Variants in TBC1D15 observed in about 807,000 individuals in gnomAD.
TBC1D15 encodes GAP for RAB7.
Under a neutral mutation model 95.4 loss-of-function variants are expected in TBC1D15, and 39 were observed. The observed-to-expected ratio is 0.41, with a 90% CI of 0.32 to 0.53. TBC1D15 has a LOEUF of 0.53. Among genes scored for constraint, TBC1D15 ranks in the 20% least tolerant of loss-of-function variants. TBC1D15 has a pLI of 0.29. For missense variants in TBC1D15, 733 were observed against 794.3 expected (o/e 0.92, Z 0.93); for synonymous variants, 258 against 261.3 (o/e 0.99, Z 0.12).
rs1222081850 is a variant in TBC1D15 at position 71,864,360 on chromosome 12, AC to A, written c.31-7707del. Among the ~76,000 whole-genome samples the A allele has an allele frequency of 6.6e-5, 10 of 151,764 alleles. No homozygotes were observed. In the South Asian group the frequency reaches 2.1e-3, roughly 32 times the overall value. On this transcript the variant is annotated intron_variant, in intron 1 of 16. Coordinates refer to ENST00000485960, the MANE Select transcript of TBC1D15 (RefSeq NM_001146213.3). ...TGGGATTACAGGTGTGAGCTACTGC[AC>A]CCGGCTGCTTTTTGTTTTCGTTTCA...
chr12:71,847,759 G>A (rs1416549625), intron 1 of TBC1D15, among the ~76,000 whole-genome samples: 2 of 151,926 alleles, frequency 1.3e-5, no homozygotes, highest in Non-Finnish European at 2.9e-5. Context: ...CTAGTCATGT[G>A]TTTGATAGAC....
At chr12:71,914,299 T>G (rs541956554) in intron 12 of TBC1D15, among the ~76,000 whole-genome samples, 1 of 152,118 alleles carries the variant, frequency 6.6e-6, no homozygotes, top group African/African-American at 2.4e-5. Flanking sequence ...CCAAGTAATA[T>G]CCTTACCTTT....
At chr12:71,850,905 T>G (rs915156789) in intron 1 of TBC1D15, among the ~76,000 whole-genome samples, 15 of 144,400 alleles carry the variant, frequency 1.0e-4, no homozygotes, top group Non-Finnish European at 1.6e-4. Context: ...GAGAATCGCT[T>G]GAACCCGGGA....
chr12:71,874,330 T>G (rs1316019302), intron 3 of TBC1D15, among the ~76,000 whole-genome samples: 2 of 152,210 alleles, frequency 1.3e-5, no homozygotes, highest in Non-Finnish European at 2.9e-5. Flanking sequence ...TATGTTTTCC[T>G]AATGACTAAT....
At position 71,921,397 on chromosome 12, in the gene TBC1D15, T is replaced by A; in HGVS notation, c.1746T>A (p.Asp582Glu). ...TCAATGAATTGTCCATGAAAATTGA[T>A]GTGGAAGATATACTCTGCAAGGCAG... is the stretch of plus-strand genomic sequence containing the variant. ...KHINELSMKI[D>E]VEDILCKAEA... The change falls in exon 16 of 17, where the codon GAT becomes GAA. Residue 582 changes from aspartate (D) to glutamate (E), a missense_variant. Asp to Glu is a conservative substitution (Grantham distance 45). Transcript: ENST00000485960. 1 of 1,564,674 alleles carries A rather than the reference T, an allele frequency of 6.4e-7. No individual in the cohort carries two copies.
chr12:71,912,033 G>T (rs190662719), intron 11 of TBC1D15, among the ~76,000 whole-genome samples: 5 of 152,218 alleles, frequency 3.3e-5, no homozygotes, highest in Admixed American at 6.5e-5. Context: ...TTCTGATGTA[G>T]ATCATACACA....
chr12:71,892,566 A>G (rs1897376583), intron 5 of TBC1D15, among the ~76,000 whole-genome samples: 1 of 151,980 alleles, frequency 6.6e-6, no homozygotes, highest in East Asian at 1.9e-4. Context: ...CATTACTAAG[A>G]AATGTGAAGA....
chr12:71,890,650 G>A (rs1389651461), intron 5 of TBC1D15, among the ~76,000 whole-genome samples: 1 of 152,108 alleles, frequency 6.6e-6, no homozygotes, highest in Admixed American at 6.6e-5. Flanking sequence ...CCAGGAAGAG[G>A]CTCTGCTAGG....
In TBC1D15 at chr12:71,872,944, G is replaced by A. The variant is rs752755940; in HGVS notation, c.145G>A (p.Val49Met). ...CTTTCTCTAGGATGCCGAAGTAATA[G>A]TGGACTGGAGACCATTGGATGATGC... ...RVLEKDAEVI[V>M]DWRPLDDALD... The change falls in exon 3 of 17, where the codon GTG becomes ATG. Residue 49 changes from valine to methionine, a missense_variant. Val to Met is a conservative substitution (Grantham distance 21). Transcript: ENST00000485960. 2 of 1,607,326 alleles carry A rather than the reference G, an allele frequency of 1.2e-6. No individual in the cohort carries two copies. The highest frequency in any genetic ancestry group is 1.7e-5 in the Admixed American group (1 of 58,626).
chr12:71,843,629 A>G (rs966593974), intron 1 of TBC1D15, among the ~76,000 whole-genome samples: 1 of 152,224 alleles, frequency 6.6e-6, no homozygotes, highest in East Asian at 1.9e-4. Flanking sequence ...GGTTAAACAC[A>G]GACTTGTATT....
chr12:71,893,433 C>T, intron 6 of TBC1D15, 109 bp downstream of exon 6: 10 of 543,358 alleles, frequency 1.8e-5, no homozygotes, highest in Non-Finnish European at 2.8e-5. Context: ...CATATATATA[C>T]ATAGATATGT....
chr12:71,842,773 G>A (rs1410605777), intron 1 of TBC1D15, among the ~76,000 whole-genome samples: 1 of 148,864 alleles, frequency 6.7e-6, no homozygotes, highest in Admixed American at 6.7e-5. Flanking sequence ...GGAGGCTGCA[G>A]TGAGCTATGA....
At chr12:71,909,091 G>A (rs1021513409) in intron 11 of TBC1D15, among the ~76,000 whole-genome samples, 1 of 152,148 alleles carries the variant, frequency 6.6e-6, no homozygotes, top group Non-Finnish European at 1.5e-5. Flanking sequence ...ATTTTCTTAG[G>A]ACATTGTCCC....
intron 1 of TBC1D15, chr12:71,841,093 A>G (rs1019406053): frequency 4.0e-5 from 6 of 151,486 alleles, no homozygotes; most frequent in African/African-American, 1.5e-4. Flanking sequence ...TTTTCTTTTT[A>G]TATTCAGGGT....
At chr12:71,888,747 A>G (rs1395760892) in intron 5 of TBC1D15, among the ~76,000 whole-genome samples, 1 of 152,166 alleles carries the variant, frequency 6.6e-6, no homozygotes, top group Non-Finnish European at 1.5e-5. Context: ...ACTCTTTCTC[A>G]ATCTCAGCAC....
intron 10 of TBC1D15, among the ~76,000 whole-genome samples, chr12:71,903,569 T>C (rs1287374559): frequency 6.6e-6 from 1 of 152,184 alleles, no homozygotes; most frequent in African/African-American, 2.4e-5. Context: ...AATGCACATG[T>C]ATGTTCATAG....
intron 1 of TBC1D15, among the ~76,000 whole-genome samples, chr12:71,861,682 T>C (rs1239772185): frequency 6.6e-6 from 1 of 152,002 alleles, no homozygotes; most frequent in African/African-American, 2.4e-5. Context: ...TTTGTCTCAA[T>C]TTTATTTCTG....
intron 1 of TBC1D15, chr12:71,849,739 A>G (rs948430539): frequency 1.8e-6 from 1 of 557,102 alleles, no homozygotes; most frequent in Non-Finnish European, 3.5e-6. Context: ...CTCCATTTTG[A>G]TAGAGCTCTT....
intron 1 of TBC1D15, chr12:71,849,906 T>A: frequency 1.8e-6 from 1 of 567,104 alleles, no homozygotes; most frequent in South Asian, 1.5e-5. Context: ...TTCCAGCGTC[T>A]TGAGGATCAG....
Sources: gnomAD v4.1 joint callset for allele counts (sites outside exome capture counted in the v4.1 genomes callset) on GRCh38, gnomAD v4.1.1 for gene constraint, MANE v1.5 for transcripts, NCBI Gene and HGNC (gene_info 2026-07-23, HGNC 2026-07-21) for gene names.